S100A5: variants seen among roughly 807,000 people sequenced by gnomAD.
S100A5 encodes the protein S100 calcium binding protein A5, also known as protein S100-A5.
A neutral mutation model predicts 6.7 loss-of-function variants in S100A5; 5 were observed. That is an observed-to-expected ratio of 0.75 (90% CI 0.39 to 1.57). The LOEUF is 1.57. Ranked by LOEUF, S100A5 falls within the 40% of genes most tolerant of loss-of-function variation. The pLI is 0.03. For synonymous variants in S100A5, 49 were observed against 44.9 expected, an observed-to-expected ratio of 1.09 and a Z score of -0.37; for missense variants, 129 against 110.8, an observed-to-expected ratio of 1.16 and a Z score of -0.74.
chr1:153,537,404 CT>C lies in S100A5; in HGVS notation c.170del (p.Lys57ArgfsTer20). Reference protein sequence around the residue: ...MKESSIDDLMKSLDKNSDQEI... With the variant: ...MKESSIDDLMXSLDKNSDQEI... ...CCTGGTCGCTGTTCTTGTCCAGGCT[CT>C]TCATCAAGTCATCGATGCTGCTCTC... On this transcript the variant is annotated frameshift_variant, in exon 3 of 3. Coordinates refer to ENST00000368717, the MANE Select transcript of S100A5 (RefSeq NM_001394232.1). LOFTEE classifies it high-confidence loss of function. 1 of 1,614,186 alleles carries C rather than the reference CT, an allele frequency of 6.2e-7. No homozygotes were observed. Among genetic ancestry groups the C allele is most frequent in the South Asian group, 1.1e-5 (1 of 91,088 alleles).
intron 2 of S100A5, among the ~76,000 whole-genome samples, chr1:153,537,900 A>T (rs1439839379): frequency 6.6e-6 from 1 of 152,144 alleles, no homozygotes; most frequent in African/African-American, 2.4e-5. Context: ...ATACAAAATT[A>T]GCCAGGCATG....
At position 153,540,124 on chromosome 1, in the gene S100A5, T is replaced by C. The variant is rs756592022; in HGVS notation, c.68A>G (p.Glu23Gly). ...CCTACTCAGGGTCAGTTTGCTACCCTCTCTCCCCGAATATTTGTGAAACGT... is the reference window on the plus strand; with the variant it reads ...CCTACTCAGGGTCAGTTTGCTACCCCCTCTCCCCGAATATTTGTGAAACGT... ...VTTFHKYSGR[E>G]GSKLTLSRKE... The change falls in exon 2 of 3, where the codon GAG becomes GGG. Residue 23 changes from glutamate to glycine, a missense_variant. Physicochemically the swap from Glu to Gly is moderately conservative, Grantham distance 98. Transcript: ENST00000368717. The C allele has an allele frequency of 2.0e-5, 33 of 1,614,032 alleles. No individual in the cohort carries two copies. Among genetic ancestry groups the C allele is most frequent in the Non-Finnish European group, 2.8e-5 (33 of 1,180,028 alleles).
intron 2 of S100A5, 97 bp from the exon 3 acceptor site, chr1:153,537,533 T>TGGG: frequency 6.8e-7 from 1 of 1,476,324 alleles, no homozygotes; most frequent in Non-Finnish European, 9.3e-7. Flanking sequence ...AACTTCAGGG[T>TGGG]GAGCCCCAGC....
At chr1:153,543,675 G>C, upstream of S100A5, 1 of 1,321,484 alleles carries the variant, frequency 7.6e-7, no homozygotes, top group South Asian at 1.3e-5. Flanking sequence ...GTGTCTGAAG[G>C]AGCCAGGGTG....
chr1:153,540,333 A>G lies in S100A5; in HGVS notation c.-14-128T>C. 2.3e-6 allele frequency: 2 copies of G among 887,234 alleles called. 1 individual carries two copies. The highest frequency in any genetic ancestry group is 3.4e-5 in the South Asian group (2 of 59,662). The allele number at this position is 887,234 out of a possible 1,614,324, so 55.0% of individuals were successfully genotyped here. On this transcript the variant is annotated intron_variant, in intron 1 of 2. Transcript: ENST00000368717. Reference sequence around the variant, plus strand: ...AGGATGAGACTGAAATCCACTAACAAGAGCGCCCATCTATATCAGTACAGG... The same window carrying G: ...AGGATGAGACTGAAATCCACTAACAGGAGCGCCCATCTATATCAGTACAGG...
chr1:153,538,490 G>A (rs796123736), intron 2 of S100A5, among the ~76,000 whole-genome samples: 4 of 152,296 alleles, frequency 2.6e-5, no homozygotes, highest in African/African-American at 9.6e-5. Flanking sequence ...GCCCTCCTCT[G>A]GGCGTCTCTC....
At position 153,537,234 on chromosome 1, in the gene S100A5, G is replaced by A; in HGVS notation, c.*62C>T. ...GAGGGCAGGGGGCCAAAGAGGGTCT[G>A]TGAGAGGAGCAGCCGAGGTCAGCAG... is the stretch of plus-strand genomic sequence containing the variant. On this transcript the variant is annotated 3_prime_UTR_variant, in exon 3 of 3. Coordinates refer to ENST00000368717, the MANE Select transcript of S100A5 (RefSeq NM_001394232.1). 1 of 1,580,392 alleles carries A rather than the reference G, an allele frequency of 6.3e-7. No individual in the cohort carries two copies. Among genetic ancestry groups the A allele is most frequent in the Non-Finnish European group, 8.7e-7 (1 of 1,155,208 alleles).
chr1:153,543,126 G>T, upstream of S100A5: 2 of 663,738 alleles, frequency 3.0e-6, no homozygotes, highest in Non-Finnish European at 3.7e-6. Context: ...TGGGTGGCAG[G>T]ACAGGGCCTG....
intron 2 of S100A5, among the ~76,000 whole-genome samples, chr1:153,539,463 ATATATATATATATT>A (rs1557889101): frequency 1.6e-5 from 2 of 126,714 alleles, no homozygotes; most frequent in Admixed American, 7.9e-5. Flanking sequence ...ATATATATAT[ATATATATATATATT>A]TATTTATTTA....
At chr1:153,538,780 G>A (rs966551311) in intron 2 of S100A5, among the ~76,000 whole-genome samples, 3 of 152,246 alleles carry the variant, frequency 2.0e-5, no homozygotes, top group Admixed American at 6.5e-5. Context: ...TCCCACTAGC[G>A]GATTGTCCTT....
At chr1:153,543,630 A>T, upstream of S100A5, 1 of 960,188 alleles carries the variant, frequency 1.0e-6, no homozygotes, top group Non-Finnish European at 1.6e-6. Flanking sequence ...CAAAACTTCC[A>T]AGAATCTTTA....
upstream of S100A5, chr1:153,542,032 T>C (rs1665407015): frequency 2.6e-6 from 1 of 382,578 alleles, no homozygotes; most frequent in Non-Finnish European, 3.6e-6. Flanking sequence ...CATGGAGGAC[T>C]GAGAATCAGG....
chr1:153,541,349 A>G (rs770872546), upstream of S100A5: 6 of 1,354,962 alleles, frequency 4.4e-6, no homozygotes, highest in South Asian at 5.7e-5. Context: ...CCCACCAGAT[A>G]TCAGATGAAC....
chr1:153,541,656 C>G (rs766190125), upstream of S100A5: 1 of 1,154,404 alleles, frequency 8.7e-7, no homozygotes, highest in Non-Finnish European at 1.1e-6. Flanking sequence ...ATCCCAGAAA[C>G]TTTACTCTTC....
chr1:153,537,387 C>T lies in S100A5; in HGVS notation c.188G>A (p.Ser63Asn). The T allele has an allele frequency of 6.2e-7, 1 of 1,614,206 alleles. No individual in the cohort carries two copies. Among genetic ancestry groups the T allele is most frequent in the East Asian group, 2.2e-5 (1 of 44,886 alleles). The change falls in exon 3 of 3, where the codon AGC (serine) becomes AAC (asparagine). Residue 63 changes from serine (S) to asparagine (N), a missense_variant. Coordinates refer to ENST00000368717, the MANE Select transcript of S100A5 (RefSeq NM_001394232.1). ...DDLMKSLDKN[S>N]DQEIDFKEYS... ...CTCCTTGAAGTCGATCTCCTGGTCGCTGTTCTTGTCCAGGCTCTTCATCAA... is the reference window on the plus strand; with the variant it reads ...CTCCTTGAAGTCGATCTCCTGGTCGTTGTTCTTGTCCAGGCTCTTCATCAA...
At chr1:153,541,495 G>A (rs904311988), upstream of S100A5, 4 of 1,361,918 alleles carry the variant, frequency 2.9e-6, no homozygotes, top group African/African-American at 4.4e-5. Context: ...GGAGAGAAAG[G>A]GCCCATGAGA....
upstream of S100A5, chr1:153,541,617 A>C: frequency 8.4e-7 from 1 of 1,193,574 alleles, no homozygotes; most frequent in South Asian, 1.5e-5. Context: ...CTGGGGACAC[A>C]CTGAGTTCCC....
intron 2 of S100A5, 121 bp from the exon 3 acceptor site, chr1:153,537,557 C>T: frequency 1.6e-6 from 2 of 1,228,978 alleles, no homozygotes; most frequent in South Asian, 2.7e-5. Flanking sequence ...GTCAATGACA[C>T]TGTCAGCATC....
chr1:153,541,327 C>T, upstream of S100A5: 1 of 1,308,702 alleles, frequency 7.6e-7, no homozygotes, highest in African/African-American at 1.5e-5. Context: ...TCACCCTCAT[C>T]ATCCAGCGTG....
Sources: gnomAD v4.1 joint callset for allele counts (sites outside exome capture counted in the v4.1 genomes callset) on GRCh38, gnomAD v4.1.1 for gene constraint, MANE v1.5 for transcripts, NCBI Gene and HGNC (gene_info 2026-07-23, HGNC 2026-07-21) for gene names.